The following ATXN7L1 variants were observed in gnomAD, a reference collection of about 807,000 sequenced individuals.
ATXN7L1 encodes ataxin 7 like 1, also known as ataxin-7-like protein 1.
In ATXN7L1, 15 loss-of-function variants were observed where a neutral mutation model predicts 70.8. That is an observed-to-expected ratio of 0.21 (90% CI 0.14 to 0.33). The LOEUF (loss-of-function observed/expected upper bound fraction) is 0.33, where lower values mean the gene tolerates loss of function less well. ATXN7L1 is among the 10% of genes least tolerant of loss of function. The pLI, the probability that ATXN7L1 is intolerant of heterozygous loss-of-function variation, is 1.00. For synonymous variants in ATXN7L1, 440 were observed against 445.1 expected, an observed-to-expected ratio of 0.99 and a Z score of 0.14; for missense variants, 975 against 1,097.1, an observed-to-expected ratio of 0.89 and a Z score of 1.57.
At chr7:105,682,784 G>A (rs1805700995) in intron 3 of ATXN7L1, among the ~76,000 whole-genome samples, 1 of 152,170 alleles carries the variant, frequency 6.6e-6, no homozygotes, top group Non-Finnish European at 1.5e-5. Flanking sequence ...GGCTGTATGT[G>A]GTGGGGGAGG....
At position 105,638,336 on chromosome 7, in the gene ATXN7L1, G is replaced by GGTAAGTA. The variant is rs1562934413; in HGVS notation, c.1202+16_1202+17insTACTTAC. Reference sequence around the variant, plus strand: ...TGACCAAGCATTCAGGGCTTCTATCGTCAAGGTGGTACTTACCTAGGAAGT... The same window carrying GGTAAGTA: ...TGACCAAGCATTCAGGGCTTCTATCGGTAAGTATCAAGGTGGTACTTACCTAGGAAGT... On this transcript the variant is annotated intron_variant, in intron 7 of 11. Transcript: ENST00000419735. 1.3e-6 allele frequency: 2 copies of GGTAAGTA among 1,542,270 alleles called. No individual in the cohort carries two copies. The highest frequency in any genetic ancestry group is 2.8e-5 in the African/African-American group (2 of 72,706).
At chr7:105,796,330 C>A (rs1400294289) in intron 2 of ATXN7L1, among the ~76,000 whole-genome samples, 1 of 152,088 alleles carries the variant, frequency 6.6e-6, no homozygotes, top group Non-Finnish European at 1.5e-5. Flanking sequence ...CCACTGTAAT[C>A]CAGCCTGGCA....
At chr7:105,859,118 T>C (rs555571368) in intron 2 of ATXN7L1, among the ~76,000 whole-genome samples, 1 of 152,212 alleles carries the variant, frequency 6.6e-6, no homozygotes, top group African/African-American at 2.4e-5. Flanking sequence ...GAATTACCAT[T>C]AGTTTTCTAA....
At chr7:105,643,520 C>T (rs1798553851) in intron 4 of ATXN7L1, among the ~76,000 whole-genome samples, 1 of 152,242 alleles carries the variant, frequency 6.6e-6, no homozygotes, top group African/African-American at 2.4e-5. Flanking sequence ...ACTGCTGAAT[C>T]ACGCCCCCTC....
chr7:105,665,149 G>A lies in ATXN7L1; in HGVS notation c.495C>T (p.Phe165=). 6.4e-7 allele frequency: 1 copy of A among 1,551,750 alleles called. No individual in the cohort carries two copies. The highest frequency in any genetic ancestry group is 8.7e-7 in the Non-Finnish European group (1 of 1,147,014). ...TAAGTAGATTGTCTTTGGGCGTTTT[G>A]AATGGCTTTGAGGTGCTGCTGGCAG... ...HHSASSTSKP[F]KTPKDNLLTS... The change falls in exon 4 of 12, where the codon TTC becomes TTT. Residue 165 remains phenylalanine (F), a synonymous_variant. Transcript: ENST00000419735.
intron 3 of ATXN7L1, among the ~76,000 whole-genome samples, chr7:105,707,388 C>T (rs974283708): frequency 3.9e-5 from 6 of 152,032 alleles, no homozygotes; most frequent in African/African-American, 1.5e-4. Flanking sequence ...GATGGGCTCA[C>T]GGAACCAAGA....
rs376104641 is a variant in ATXN7L1 at position 105,638,525 on chromosome 7, G to A, written c.1030C>T (p.Arg344Trp). 3.9e-6 allele frequency: 6 copies of A among 1,551,950 alleles called. No homozygotes were observed. Among genetic ancestry groups the A allele is most frequent in the Admixed American group, 2.0e-5 (1 of 50,950 alleles). Residue 344 changes from arginine to tryptophan, a missense_variant, in exon 7 of 12, where the codon CGG becomes TGG. Transcript: ENST00000419735. ...TCTTTATCTTTAACTTCTTTTTCCC[G>A]GGACTTTGCTTTGTGTTCTGCCAGG... ...LLLAEHKAKS[R>W]EKEVKDKEHL...
At position 105,614,348 on chromosome 7, in the gene ATXN7L1, CAAGGAAGAG is replaced by C; in HGVS notation, c.1977_1985del (p.Ser660_Leu662del). 1 of 1,552,300 alleles carries C rather than the reference CAAGGAAGAG, an allele frequency of 6.4e-7. No homozygotes were observed. The highest frequency in any genetic ancestry group is 8.7e-7 in the Non-Finnish European group (1 of 1,147,116). ...ACAGTGGAGACGAGAGGGATGTCTG[CAAGGAAGAG>C]GAGGAGGAGGAGGAGGAGGAGGAAG... On this transcript the variant is annotated inframe_deletion, in exon 10 of 12. Coordinates refer to ENST00000419735, the MANE Select transcript of ATXN7L1 (RefSeq NM_020725.2). The surrounding 1 kb of genome is among the most constrained non-coding windows in gnomAD (Gnocchi z 4.3).
At chr7:105,628,033 C>T (rs747118543) in intron 7 of ATXN7L1, among the ~76,000 whole-genome samples, 11 of 151,280 alleles carry the variant, frequency 7.3e-5, no homozygotes, top group Admixed American at 2.6e-4. Context: ...TTAGTAGAGA[C>T]GGGGTTTCAG....
intron 3 of ATXN7L1, among the ~76,000 whole-genome samples, chr7:105,709,080 T>C (rs1455231942): frequency 8.8e-6 from 1 of 114,118 alleles, no homozygotes; most frequent in Non-Finnish European, 1.7e-5. Flanking sequence ...ATACCTGTAA[T>C]CCCAGCACTT....
chr7:105,718,708 C>A (rs181761241), intron 3 of ATXN7L1, among the ~76,000 whole-genome samples: 5 of 152,206 alleles, frequency 3.3e-5, no homozygotes, highest in Non-Finnish European at 7.3e-5. Context: ...TGGGGCCAAC[C>A]CAGGTTACTA....
chr7:105,608,929 G>A (rs1584269994), intron 11 of ATXN7L1, among the ~76,000 whole-genome samples: 1 of 152,074 alleles, frequency 6.6e-6, no homozygotes, highest in African/African-American at 2.4e-5. Context: ...TCATGTGTAA[G>A]GGGCAAAACC....
At chr7:105,662,615 T>A (rs749657347) in intron 4 of ATXN7L1, among the ~76,000 whole-genome samples, 1 of 152,192 alleles carries the variant, frequency 6.6e-6, no homozygotes, top group Non-Finnish European at 1.5e-5. Flanking sequence ...TCATTGATGA[T>A]CTTCCCCGAG....
At position 105,833,840 on chromosome 7, in the gene ATXN7L1, A is replaced by G. The variant is rs913710493; in HGVS notation, c.250+41972T>C. ...AGGGGGTATAGATGATAAAACAAAT[A>G]TAATAAAATGGTAATGATACAGCCA... On this transcript the variant is annotated intron_variant, in intron 2 of 11. Transcript: ENST00000419735. Among the ~76,000 whole-genome samples the G allele has an allele frequency of 3.9e-5, 6 of 152,232 alleles. No individual in the cohort carries two copies. The East Asian group carries it at 9.6e-4, about 24-fold the overall frequency.
At chr7:105,762,729 C>T (rs896100706) in intron 3 of ATXN7L1, among the ~76,000 whole-genome samples, 5 of 152,214 alleles carry the variant, frequency 3.3e-5, no homozygotes, top group Non-Finnish European at 1.5e-5. Context: ...AGCCCAATTC[C>T]CTTCCTGCAG....
intron 3 of ATXN7L1, among the ~76,000 whole-genome samples, chr7:105,710,153 G>C (rs1044930810): frequency 6.6e-6 from 1 of 152,106 alleles, no homozygotes; most frequent in African/African-American, 2.4e-5. Flanking sequence ...CCTGGTCAAA[G>C]TTTGCATCTT....
chr7:105,640,960 G>C (rs1798082717), intron 5 of ATXN7L1, among the ~76,000 whole-genome samples: 1 of 152,216 alleles, frequency 6.6e-6, no homozygotes, highest in African/African-American at 2.4e-5. Flanking sequence ...ACTCAAAAAA[G>C]GTTCCTAGCT....
intron 7 of ATXN7L1, among the ~76,000 whole-genome samples, chr7:105,633,794 AGTT>A (rs1163040566): frequency 1.3e-5 from 2 of 152,140 alleles, no homozygotes; most frequent in Non-Finnish European, 2.9e-5. Context: ...AATAAGTTCC[AGTT>A]GCCAGATAAA....
At chr7:105,773,080 A>G (rs574830242) in intron 3 of ATXN7L1, among the ~76,000 whole-genome samples, 1 of 152,340 alleles carries the variant, frequency 6.6e-6, no homozygotes, top group East Asian at 1.9e-4. Context: ...TCTGAAAACT[A>G]AAATCACATT....
Sources: gnomAD v4.1 joint callset for allele counts (sites outside exome capture counted in the v4.1 genomes callset) on GRCh38, gnomAD v4.1.1 for gene constraint, Gnocchi (gnomAD v3.1) non-coding constraint, MANE v1.5 for transcripts, NCBI Gene and HGNC (gene_info 2026-07-23, HGNC 2026-07-21) for gene names.